The following FAM241A variants were observed in gnomAD, a reference collection of about 807,000 sequenced individuals.
FAM241A encodes the protein uncharacterized protein FAM241A.
A neutral mutation model predicts 12.2 loss-of-function variants in FAM241A; 7 were observed. The ratio of observed to expected loss-of-function variants is 0.58; its 90% CI spans 0.33 to 1.08. FAM241A has a LOEUF of 1.08. Among genes scored for constraint, FAM241A ranks in the 50% least tolerant of loss-of-function variants. The pLI is 0.04. For missense variants in FAM241A, 161 were observed against 169.7 expected (o/e 0.95, Z 0.29); for synonymous variants, 74 against 68.2 (o/e 1.08, Z -0.42).
At chr4:112,179,913 T>TGA (rs1553921408) in intron 1 of FAM241A, among the ~76,000 whole-genome samples, 18 of 22,906 alleles carry the variant, frequency 7.9e-4, no homozygotes, top group African/African-American at 3.6e-3. Context: ...AAAGAAAATG[T>TGA]GATATATATA....
intron 1 of FAM241A, among the ~76,000 whole-genome samples, chr4:112,180,951 C>T (rs1578379359): frequency 6.6e-6 from 1 of 152,116 alleles, no homozygotes; most frequent in Non-Finnish European, 1.5e-5. Flanking sequence ...GTTCTCTTTA[C>T]TTGAGGAGTA....
chr4:112,164,874 G>A (rs1723562240), intron 1 of FAM241A, among the ~76,000 whole-genome samples: 1 of 152,190 alleles, frequency 6.6e-6, no homozygotes. Flanking sequence ...ACTTTGGGAG[G>A]CCTAGGCAGG....
intron 1 of FAM241A, among the ~76,000 whole-genome samples, chr4:112,167,124 A>G (rs200658470): frequency 7.9e-6 from 1 of 125,932 alleles, no homozygotes; most frequent in Non-Finnish European, 1.7e-5. Flanking sequence ...AAAAAAAAAA[A>G]AAATAAAAAT....
intron 1 of FAM241A, among the ~76,000 whole-genome samples, chr4:112,165,064 G>A (rs1383312541): frequency 2.0e-5 from 3 of 152,168 alleles, no homozygotes; most frequent in Non-Finnish European, 2.9e-5. Context: ...TCGCACCACC[G>A]CACTCCAGCC....
intron 1 of FAM241A, among the ~76,000 whole-genome samples, chr4:112,157,237 G>A (rs1241765025): frequency 1.3e-5 from 2 of 152,090 alleles, no homozygotes; most frequent in African/African-American, 2.4e-5. Flanking sequence ...TTTCAAAACT[G>A]GCTTTTTCCA....
chr4:112,145,473 G>A lies in FAM241A; in HGVS notation c.-108G>A. 1 of 1,105,532 alleles carries A rather than the reference G, an allele frequency of 9.0e-7. No individual in the cohort carries two copies. The highest frequency in any genetic ancestry group is 4.5e-5 in the South Asian group (1 of 22,434). 68.5% of individuals were successfully genotyped at this position (1,105,532 alleles called of 1,614,324 possible). A position where few individuals can be genotyped will look rare whatever the true frequency, so the allele number is the denominator to read the frequency against. ...GGGCGCGCTCCGGCGGCTCCTGTCA[G>A]CGGCGGGTGCGGCGGATCCCAGGGC... On this transcript the variant is annotated 5_prime_UTR_variant, in exon 1 of 2. Coordinates refer to ENST00000309733, the MANE Select transcript of FAM241A (RefSeq NM_152400.3).
intron 1 of FAM241A, among the ~76,000 whole-genome samples, chr4:112,172,409 C>T (rs747559863): frequency 1.8e-4 from 28 of 152,242 alleles, no homozygotes; most frequent in Middle Eastern, 3.4e-3. Context: ...ACCACAGAAT[C>T]GGTTTGTGGT....
chr4:112,174,620 G>A (rs1723784677), intron 1 of FAM241A, among the ~76,000 whole-genome samples: 1 of 152,200 alleles, frequency 6.6e-6, no homozygotes, highest in Non-Finnish European at 1.5e-5. Flanking sequence ...ACAGCAGCCA[G>A]AAGTTTTAAA....
In FAM241A at chr4:112,190,515, G is replaced by A. The variant is rs1208364051; in HGVS notation, c.*3577G>A. 16 of 133,120 alleles carry A rather than the reference G, an allele frequency of 1.2e-4. No individual in the cohort carries two copies. The highest frequency in any genetic ancestry group is 2.9e-5 in the African/African-American group (1 of 34,466). The allele number at this position is 133,120 out of a possible 1,614,324, so 8.2% of individuals were successfully genotyped here. ...AGCCTGACCAACATGGAGAAACCCC[G>A]TCTCTACTAAAAAAAAAAAAAAAAA... On this transcript the variant is annotated 3_prime_UTR_variant, in exon 2 of 2. Coordinates refer to ENST00000309733, the MANE Select transcript of FAM241A (RefSeq NM_152400.3).
chr4:112,154,117 C>G (rs924800281), intron 1 of FAM241A, among the ~76,000 whole-genome samples: 4 of 152,144 alleles, frequency 2.6e-5, no homozygotes, highest in Admixed American at 2.0e-4. Flanking sequence ...TTGAGGATTT[C>G]TTATTCCATG....
intron 1 of FAM241A, among the ~76,000 whole-genome samples, chr4:112,153,083 ATATT>A (rs1723276337): frequency 1.3e-5 from 2 of 152,236 alleles, no homozygotes; most frequent in Non-Finnish European, 2.9e-5. Context: ...AATTTATAGA[ATATT>A]TATTGAACAA....
intron 1 of FAM241A, among the ~76,000 whole-genome samples, chr4:112,180,307 G>A (rs1050726614): frequency 4.9e-4 from 75 of 152,032 alleles, no homozygotes; most frequent in African/African-American, 1.8e-3. Flanking sequence ...GCATCATGCA[G>A]TATACCCTTG....
At chr4:112,186,614 T>C (rs898423405) in intron 1 of FAM241A, 79 bp from the exon 2 acceptor site, 1 of 1,336,222 alleles carries the variant, frequency 7.5e-7, no homozygotes, top group Non-Finnish European at 1.0e-6. Flanking sequence ...CTTTGGAAGA[T>C]GAAGAACTAA....
At chr4:112,177,158 G>C (rs1477616477) in intron 1 of FAM241A, among the ~76,000 whole-genome samples, 1 of 152,046 alleles carries the variant, frequency 6.6e-6, no homozygotes, top group African/African-American at 2.4e-5. Context: ...TTTTGTACAG[G>C]ATGAAAATGA....
At chr4:112,153,260 C>T (rs913092800) in intron 1 of FAM241A, among the ~76,000 whole-genome samples, 6 of 152,094 alleles carry the variant, frequency 3.9e-5, no homozygotes, top group Admixed American at 1.3e-4. Flanking sequence ...AAATACCCAC[C>T]TCCTCTGTAC....
chr4:112,164,978 G>A (rs1467931805), intron 1 of FAM241A, among the ~76,000 whole-genome samples: 1 of 152,026 alleles, frequency 6.6e-6, no homozygotes, highest in Non-Finnish European at 1.5e-5. Flanking sequence ...CTAGGCATGG[G>A]CTCAGCTATT....
intron 1 of FAM241A, among the ~76,000 whole-genome samples, chr4:112,175,971 A>T (rs1723812625): frequency 6.6e-6 from 1 of 152,184 alleles, no homozygotes; most frequent in South Asian, 2.1e-4. Context: ...GCATTAACAC[A>T]ACAACATGTA....
intron 1 of FAM241A, among the ~76,000 whole-genome samples, chr4:112,161,018 TACAG>T (rs1306530780): frequency 6.6e-6 from 1 of 152,046 alleles, no homozygotes; most frequent in Non-Finnish European, 1.5e-5. Flanking sequence ...TCTTAAGTAA[TACAG>T]ACAAGTACAG....
chr4:112,149,880 C>T (rs1300608045), intron 1 of FAM241A, among the ~76,000 whole-genome samples: 2 of 151,782 alleles, frequency 1.3e-5, no homozygotes, highest in African/African-American at 4.8e-5. Flanking sequence ...TAAATATTTT[C>T]TCTGCTTGCT....
Sources: gnomAD v4.1 joint callset for allele counts (sites outside exome capture counted in the v4.1 genomes callset) on GRCh38, gnomAD v4.1.1 for gene constraint, MANE v1.5 for transcripts, NCBI Gene and HGNC (gene_info 2026-07-23, HGNC 2026-07-21) for gene names.